CACNB4: variants seen among roughly 807,000 people sequenced by gnomAD.
CACNB4 encodes calcium voltage-gated channel auxiliary subunit beta 4, also known as voltage-dependent L-type calcium channel subunit beta-4.
Under a neutral mutation model 71.2 loss-of-function variants are expected in CACNB4, and 32 were observed. The ratio of observed to expected loss-of-function variants is 0.45; its 90% CI spans 0.34 to 0.60. The LOEUF (loss-of-function observed/expected upper bound fraction) is 0.60. Ranked by LOEUF, CACNB4 falls within the 20% of genes least tolerant of loss-of-function variation. The pLI, the probability that CACNB4 is intolerant of heterozygous loss-of-function variation, is 0.01. For missense variants in CACNB4, 464 were observed against 647.9 expected, an observed-to-expected ratio of 0.72 and a Z score of 3.08; for synonymous variants, 231 against 236.9, an observed-to-expected ratio of 0.97 and a Z score of 0.23.
rs1335325464 is a variant in CACNB4 at position 151,833,233 on chromosome 2, G to A, written c.*5886C>T. 1.3e-5 allele frequency: 2 copies of A among 152,048 alleles called. No homozygotes were observed. The highest frequency in any genetic ancestry group is 4.8e-5 in the African/African-American group (2 of 41,414). 9.4% of individuals were successfully genotyped at this position (152,048 alleles called of 1,614,324 possible). A position where few individuals can be genotyped will look rare whatever the true frequency, so the allele number is the denominator to read the frequency against. ...ATCATTTTGCCATATTTCTGTTTTAGTATGTTTTATGTTAATACATTTATT... is the reference window on the plus strand; with the variant it reads ...ATCATTTTGCCATATTTCTGTTTTAATATGTTTTATGTTAATACATTTATT... On this transcript the variant is annotated 3_prime_UTR_variant, in exon 14 of 14. Coordinates refer to ENST00000539935, the MANE Select transcript of CACNB4 (RefSeq NM_000726.5).
rs114910747 is a variant in CACNB4, at chr2:151,918,414, C to T, written c.148-35044G>A. On this transcript the variant is annotated intron_variant, in intron 2 of 13. Coordinates refer to ENST00000539935, the MANE Select transcript of CACNB4 (RefSeq NM_000726.5). ...AGCAAGAGACAAATCTGGGTGGCTC[C>T]GGAGACTCATTTCCTTCCCTCTTTT... Among the ~76,000 whole-genome samples the T allele has an allele frequency of 9.9e-3, 1,505 of 152,218 alleles. 24 individuals carry two copies. The highest frequency in any genetic ancestry group is 0.033 in the African/African-American group (1,368 of 41,520).
chr2:152,000,882 C>T (rs1365364324), intron 2 of CACNB4, among the ~76,000 whole-genome samples: 2 of 152,146 alleles, frequency 1.3e-5, no homozygotes, highest in Non-Finnish European at 2.9e-5. Context: ...GCTCTTGAGC[C>T]AGCGCAGATG....
rs1399615586 is a variant in CACNB4, at chr2:152,029,311, G to A, written c.147+69019C>T. Among the ~76,000 whole-genome samples the A allele has an allele frequency of 6.6e-5, 10 of 151,948 alleles. No homozygotes were observed. The South Asian group carries it at 1.0e-3, about 16-fold the overall frequency. On this transcript the variant is annotated intron_variant, in intron 2 of 13. Transcript: ENST00000539935. ...AGTTCGAGACCAGCCTGGCCAACAT[G>A]GTGAAGCCCCGTCTCTACTAAAAAT...
chr2:152,075,310 T>C (rs1686949276), intron 2 of CACNB4, among the ~76,000 whole-genome samples: 1 of 152,102 alleles, frequency 6.6e-6, no homozygotes, highest in South Asian at 2.1e-4. Flanking sequence ...CTGAAGAAAA[T>C]TAAGTCACAA....
chr2:151,994,746 G>A (rs567122814), intron 2 of CACNB4, among the ~76,000 whole-genome samples: 1 of 152,154 alleles, frequency 6.6e-6, no homozygotes, highest in East Asian at 1.9e-4. Context: ...CATCATTTAG[G>A]CCAGGTTTTC....
chr2:151,950,087 T>C (rs1285371031), intron 2 of CACNB4, among the ~76,000 whole-genome samples: 1 of 151,746 alleles, frequency 6.6e-6, no homozygotes, highest in Non-Finnish European at 1.5e-5. Context: ...AATAGTCTTC[T>C]GAGAGGAAAC....
chr2:151,964,705 A>G (rs1367864951), intron 2 of CACNB4, among the ~76,000 whole-genome samples: 3 of 152,344 alleles, frequency 2.0e-5, no homozygotes, highest in East Asian at 3.9e-4. Flanking sequence ...GACTTTAGGG[A>G]TATGACAATA....
At chr2:151,981,379 C>A (rs981937800) in intron 2 of CACNB4, among the ~76,000 whole-genome samples, 2 of 152,072 alleles carry the variant, frequency 1.3e-5, no homozygotes, top group African/African-American at 4.8e-5. Context: ...TATTTGAGGC[C>A]TTAAAGTCAG....
chr2:152,035,654 T>C lies in CACNB4; in HGVS notation c.147+62676A>G, dbSNP rs552161218. Among the ~76,000 whole-genome samples the C allele has an allele frequency of 3.5e-5, 5 of 140,912 alleles. No homozygotes were observed. In the East Asian group the frequency reaches 8.0e-4, roughly 23 times the overall value. 92.4% of individuals were successfully genotyped at this position (140,912 alleles called of 152,430 possible). Reference sequence around the variant, plus strand: ...CCCTCTCTCTCTCTCTCTCTCTCTATATATATATATATATGTATGTATGTA... The same window carrying C: ...CCCTCTCTCTCTCTCTCTCTCTCTACATATATATATATATGTATGTATGTA... On this transcript the variant is annotated intron_variant, in intron 2 of 13. Transcript: ENST00000539935.
intron 2 of CACNB4, among the ~76,000 whole-genome samples, chr2:152,007,700 C>A (rs1166550974): frequency 1.3e-5 from 2 of 152,220 alleles, no homozygotes; most frequent in South Asian, 2.1e-4. Context: ...GATACCTGTT[C>A]AAATTCCTGC....
At chr2:151,850,102 T>C (rs2099838629) in intron 12 of CACNB4, 2 of 152,154 alleles carry the variant, frequency 1.3e-5, no homozygotes, top group Admixed American at 6.6e-5. Flanking sequence ...ATGAAATACA[T>C]ACTTATCTTT....
intron 2 of CACNB4, among the ~76,000 whole-genome samples, chr2:151,891,824 G>A (rs1488894639): frequency 6.6e-6 from 1 of 152,152 alleles, no homozygotes; most frequent in Admixed American, 6.5e-5. Flanking sequence ...CAGCAACCAA[G>A]CTTTACTATA....
At chr2:151,957,257 C>CGTGTATGTGTATGTGTGT (rs3068823) in intron 2 of CACNB4, among the ~76,000 whole-genome samples, 31 of 131,868 alleles carry the variant, frequency 2.4e-4, no homozygotes, top group Non-Finnish European at 4.0e-4. Flanking sequence ...AGTGGCTGGG[C>CGTGTATGTGTATGTGTGT]GTGTGTGTGT....
intron 2 of CACNB4, among the ~76,000 whole-genome samples, chr2:151,985,345 T>C (rs1681291247): frequency 6.6e-6 from 1 of 152,206 alleles, no homozygotes; most frequent in Admixed American, 6.5e-5. Context: ...TTACAAACTA[T>C]TGCACCATAT....
chr2:151,843,135 A>G (rs185156737), intron 12 of CACNB4, among the ~76,000 whole-genome samples: 9 of 152,236 alleles, frequency 5.9e-5, no homozygotes, highest in Admixed American at 2.6e-4. Context: ...TCTGGTCTGT[A>G]CTCAGGAAGT....
chr2:151,879,421 G>A (rs2099847261), intron 4 of CACNB4: 1 of 151,358 alleles, frequency 6.6e-6, no homozygotes, highest in South Asian at 2.1e-4. Context: ...GACAAGCATA[G>A]TTGTAGCTTT....
intron 5 of CACNB4, among the ~76,000 whole-genome samples, chr2:151,874,447 G>A (rs1299689000): frequency 1.3e-5 from 2 of 148,782 alleles, no homozygotes; most frequent in African/African-American, 2.5e-5. Context: ...CAGCCTGGGC[G>A]ACAGAGCGAG....
At chr2:151,956,958 C>T (rs577464073) in intron 2 of CACNB4, among the ~76,000 whole-genome samples, 71 of 152,120 alleles carry the variant, frequency 4.7e-4, no homozygotes, top group Admixed American at 6.6e-4. Flanking sequence ...CCAGCCTGAC[C>T]AACAAGGCGA....
chr2:151,926,200 TGAG>T (rs1255467921), intron 2 of CACNB4, among the ~76,000 whole-genome samples: 1 of 152,088 alleles, frequency 6.6e-6, no homozygotes, highest in Non-Finnish European at 1.5e-5. Context: ...AGTCAGAAGA[TGAG>T]GAATCAGTAT....
Sources: gnomAD v4.1 joint callset for allele counts (sites outside exome capture counted in the v4.1 genomes callset) on GRCh38, gnomAD v4.1.1 for gene constraint, MANE v1.5 for transcripts, NCBI Gene and HGNC (gene_info 2026-07-23, HGNC 2026-07-21) for gene names.